The following TMEM80 variants were observed in gnomAD, a reference collection of about 807,000 sequenced individuals.
The protein encoded by TMEM80 is transmembrane protein 80.
A neutral mutation model predicts 13.6 loss-of-function variants in TMEM80; 16 were observed. The ratio of observed to expected loss-of-function variants is 1.17; its 90% confidence interval spans 0.79 to 1.78. The LOEUF is 1.78. TMEM80 is among the 40% of genes most tolerant of loss of function. The probability of loss-of-function intolerance (pLI) is 0.00; values close to 1 mark genes in which losing one functional copy is unlikely to be tolerated. For missense variants in TMEM80, 167 were observed against 184.6 expected (o/e 0.90, Z 0.55); for synonymous variants, 92 against 89.5 (o/e 1.03, Z -0.16).
At chr11:700,424 G>A (rs531521020) in intron 3 of TMEM80, among the ~76,000 whole-genome samples, 189 bp downstream of exon 3, 1 of 151,866 alleles carries the variant, frequency 6.6e-6, no homozygotes, top group South Asian at 2.1e-4. Context: ...CTACTCGGGA[G>A]ACTGAGGTGG....
chr11:703,598 G>A lies in TMEM80; in HGVS notation c.*448G>A. 2 of 1,233,042 alleles carry A rather than the reference G, an allele frequency of 1.6e-6. No individual in the cohort carries two copies. Among genetic ancestry groups the A allele is most frequent in the African/African-American group, 1.5e-5 (1 of 64,556 alleles). The allele number at this position is 1,233,042 out of a possible 1,614,324, so 76.4% of individuals were successfully genotyped here. ...GTTCTGAGATCCCAGTTTACTCCGT[G>A]GCCAGGCCCCACCTGTGTTTCCAAG... On this transcript the variant is annotated 3_prime_UTR_variant, in exon 5 of 5. Transcript: ENST00000397510.
At chr11:701,204 A>C (rs532851372) in intron 4 of TMEM80, 1 of 180,374 alleles carries the variant, frequency 5.5e-6, no homozygotes, top group East Asian at 1.4e-4. Flanking sequence ...TTTTGAGACG[A>C]GGTCTCACTC....
Position 704,036 on chromosome 11 carries a change from G to C in TMEM80, c.*886G>C. 8.4e-7 allele frequency: 1 copy of C among 1,188,342 alleles called. No homozygotes were observed. Among genetic ancestry groups the C allele is most frequent in the Non-Finnish European group, 1.0e-6 (1 of 958,592 alleles). The allele number at this position is 1,188,342 out of a possible 1,614,324, so 73.6% of individuals were successfully genotyped here. On this transcript the variant is annotated 3_prime_UTR_variant, in exon 5 of 5. Transcript: ENST00000397510. Reference sequence around the variant, plus strand: ...CTTTCCCTTCACTTGATTCTATTGTGTGTTTTCTATGTTTGGAATAATTAC... The same window carrying C: ...CTTTCCCTTCACTTGATTCTATTGTCTGTTTTCTATGTTTGGAATAATTAC...
At chr11:696,427 C>T (rs924380945) in intron 1 of TMEM80, among the ~76,000 whole-genome samples, 5 of 152,298 alleles carry the variant, frequency 3.3e-5, no homozygotes, top group African/African-American at 1.2e-4. Context: ...AATGGCTACT[C>T]CATAGGCAGG....
At chr11:695,720 C>A (rs1400356506), upstream of TMEM80, 1 of 1,240,672 alleles carries the variant, frequency 8.1e-7, no homozygotes, top group Non-Finnish European at 1.0e-6. Flanking sequence ...CGAAACGCGG[C>A]GCGGTCGGGC....
chr11:703,086 T>C lies in TMEM80; in HGVS notation c.368T>C (p.Leu123Pro). 1 of 1,612,114 alleles carries C rather than the reference T, an allele frequency of 6.2e-7. No homozygotes were observed. ...GCGGACTGGGCCCTCAGCGCCACGCTCCTGGCCCTTCACGGCCTGGAGGCC... is the reference window on the plus strand; with the variant it reads ...GCGGACTGGGCCCTCAGCGCCACGCCCCTGGCCCTTCACGGCCTGGAGGCC... ...LWADWALSAT[L>P]LALHGLEAVL... The change falls in exon 5 of 5, where the codon CTC (leucine) becomes CCC (proline). Residue 123 changes from leucine to proline, a missense_variant. Transcript: ENST00000397510.
At position 703,051 on chromosome 11, in the gene TMEM80, A is replaced by G. The variant is rs12803444; in HGVS notation, c.333A>G (p.Leu111=). 10 of 1,612,690 alleles carry G rather than the reference A, an allele frequency of 6.2e-6. No homozygotes were observed. The East Asian group carries it at 2.0e-4, about 32-fold the overall frequency. Residue 111 remains leucine (L), a synonymous_variant, in exon 5 of 5, where the codon CTA becomes CTG. Transcript: ENST00000397510. ...CCCACTTCCTGCTTTGGCAGGCCCTAGTGTTGTGGGCGGACTGGGCCCTCA... is the reference window on the plus strand; with the variant it reads ...CCCACTTCCTGCTTTGGCAGGCCCTGGTGTTGTGGGCGGACTGGGCCCTCA... ...LSAHFLLWQA[L]VLWADWALSA... is the part of the protein sequence containing the mutation.
At chr11:702,891 G>A in intron 4 of TMEM80, 54 bp from the exon 5 acceptor site, 1 of 1,524,914 alleles carries the variant, frequency 6.6e-7, no homozygotes, top group Non-Finnish European at 8.9e-7. Flanking sequence ...TGTGGGCGGT[G>A]GGCTCCAGGG....
chr11:697,958 A>G (rs1861275145), intron 1 of TMEM80: 1 of 152,268 alleles, frequency 6.6e-6, no homozygotes, highest in African/African-American at 2.4e-5. Context: ...ATCAGCCACA[A>G]AATCTCACCA....
chr11:701,660 C>T (rs7121162), intron 4 of TMEM80, among the ~76,000 whole-genome samples: 8,449 of 152,096 alleles, frequency 0.056, 392 homozygotes, highest in African/African-American at 0.14. Context: ...CCGCCCACCT[C>T]GGCCTCCCAA....
At position 703,598 on chromosome 11, in the gene TMEM80, G is replaced by T. The variant is rs892533151; in HGVS notation, c.*448G>T. ...GTTCTGAGATCCCAGTTTACTCCGT[G>T]GCCAGGCCCCACCTGTGTTTCCAAG... is the stretch of plus-strand genomic sequence containing the variant. On this transcript the variant is annotated 3_prime_UTR_variant, in exon 5 of 5. Transcript: ENST00000397510. 2.1e-5 allele frequency: 26 copies of T among 1,233,042 alleles called. No individual in the cohort carries two copies. The highest frequency in any genetic ancestry group is 2.5e-5 in the Non-Finnish European group (25 of 988,790). 76.4% of individuals were successfully genotyped at this position (1,233,042 alleles called of 1,614,324 possible). A position where few individuals can be genotyped will look rare whatever the true frequency, so the allele number is the denominator to read the frequency against.
At position 703,147 on chromosome 11, in the gene TMEM80, G is replaced by C. The variant is rs776728903; in HGVS notation, c.429G>C (p.Arg143Ser). 6.2e-7 allele frequency: 1 copy of C among 1,603,716 alleles called. No homozygotes were observed. The highest frequency in any genetic ancestry group is 1.3e-5 in the African/African-American group (1 of 74,924). Residue 143 changes from arginine (R) to serine (S), a missense_variant, in exon 5 of 5, where the codon AGG (arginine) becomes AGC (serine). Transcript: ENST00000397510. ...TGGTTGCCATCGCGGCCTTCACCAG[G>C]TAGCTACGGACACCCGGGATACCCC... ...LQVVAIAAFT[R>S]
At chr11:695,901 C>A (rs982665953) in intron 1 of TMEM80, 55 bp downstream of exon 1, 2 of 1,199,130 alleles carry the variant, frequency 1.7e-6, no homozygotes, top group Non-Finnish European at 2.1e-6. Flanking sequence ...CGCGGCGTTT[C>A]CCTGTGGTGA....
intron 1 of TMEM80, among the ~76,000 whole-genome samples, chr11:696,545 G>A (rs1386297971): frequency 6.6e-6 from 1 of 152,134 alleles, no homozygotes; most frequent in Non-Finnish European, 1.5e-5. Context: ...TTGGGAAGCC[G>A]AGGCTGCAGG....
rs1861589893 is a variant in TMEM80 at position 703,414 on chromosome 11, A to G, written c.*264A>G. ...CCTTCAAGATGAGTCCCAGGAGCGC[A>G]CACTCAGCCCTGTCAGTGGGGTCTG... On this transcript the variant is annotated 3_prime_UTR_variant, in exon 5 of 5. Transcript: ENST00000397510. The G allele has an allele frequency of 5.3e-6, 7 of 1,326,344 alleles. No individual in the cohort carries two copies. The East Asian group carries it at 1.8e-4, about 33-fold the overall frequency. 82.2% of individuals were successfully genotyped at this position (1,326,344 alleles called of 1,614,324 possible).
At chr11:699,056 A>G in intron 2 of TMEM80, 168 bp downstream of exon 2, 4 of 788,470 alleles carry the variant, frequency 5.1e-6, no homozygotes, top group Non-Finnish European at 8.4e-6. Flanking sequence ...ACTTCCTCGG[A>G]TCAGTTCTGC....
chr11:701,714 C>T (rs555671965), intron 4 of TMEM80, among the ~76,000 whole-genome samples: 52 of 152,190 alleles, frequency 3.4e-4, no homozygotes, highest in African/African-American at 1.1e-3. Context: ...CGGCCGGAGA[C>T]AGGGTTTCGC....
chr11:698,929 C>T, intron 2 of TMEM80, 41 bp downstream of exon 2: 1 of 1,613,414 alleles, frequency 6.2e-7, no homozygotes, highest in Non-Finnish European at 8.5e-7. Context: ...ACCCAGAGGC[C>T]CGAATTGCTG....
intron 2 of TMEM80, 79 bp from the exon 3 acceptor site, chr11:700,063 G>A (rs1861372880): frequency 4.2e-6 from 5 of 1,194,504 alleles, no homozygotes; most frequent in Non-Finnish European, 6.2e-6. Flanking sequence ...ACAGATGACA[G>A]AACCAGCCCC....
Sources: allele counts gnomAD v4.1 joint callset (sites outside exome capture counted in the v4.1 genomes callset), GRCh38; gene constraint gnomAD v4.1.1; transcripts MANE v1.5; gene names NCBI Gene and HGNC (gene_info 2026-07-23, HGNC 2026-07-21).